Variants in POFUT3 observed in about 807,000 individuals in gnomAD.
POFUT3 encodes GDP-fucose protein O-fucosyltransferase 3.
At chr8:33,460,160 G>A in the POFUT3 span, among the ~76,000 whole-genome samples, 86,427 of 150,908 alleles carry the variant, frequency 0.57, 24,985 homozygotes, top group Non-Finnish European at 0.59. Context: ...CTGCACTCCA[G>A]CCTGGGCAAC....
chr8:33,368,755 C>A, the POFUT3 span, among the ~76,000 whole-genome samples: 2 of 152,196 alleles, frequency 1.3e-5, no homozygotes, highest in Non-Finnish European at 2.9e-5. Flanking sequence ...CCAGCTTATA[C>A]AATCAATCAG....
the POFUT3 span, among the ~76,000 whole-genome samples, chr8:33,458,709 G>A: frequency 4.0e-5 from 6 of 151,858 alleles, no homozygotes; most frequent in South Asian, 6.2e-4. Context: ...GCAAGACTCC[G>A]TCTCAAAAAA....
the POFUT3 span, chr8:33,389,356 C>G: frequency 6.2e-7 from 1 of 1,614,152 alleles, no homozygotes; most frequent in Non-Finnish European, 8.5e-7. Context: ...TAAACTTATA[C>G]TGTGCAATGA....
chr8:33,418,097 C>T, the POFUT3 span, among the ~76,000 whole-genome samples: 1 of 152,080 alleles, frequency 6.6e-6, no homozygotes, highest in Non-Finnish European at 1.5e-5. Context: ...CATTTTGAGC[C>T]CCCAGCCCCC....
chr8:33,397,756 G>T, the POFUT3 span, among the ~76,000 whole-genome samples: 1 of 152,138 alleles, frequency 6.6e-6, no homozygotes, highest in Non-Finnish European at 1.5e-5. Context: ...AAACTGGATT[G>T]ACTGATTGAT....
chr8:33,374,045 A>G, the POFUT3 span, among the ~76,000 whole-genome samples: 1 of 152,316 alleles, frequency 6.6e-6, no homozygotes, highest in Non-Finnish European at 1.5e-5. Flanking sequence ...CGGGCTGCAG[A>G]GCAGGAGGTG....
the POFUT3 span, among the ~76,000 whole-genome samples, chr8:33,465,486 A>T: frequency 2.0e-5 from 3 of 151,952 alleles, no homozygotes; most frequent in African/African-American, 7.3e-5. Context: ...GTTTTCAGAC[A>T]GGGTCTCGCT....
the POFUT3 span, among the ~76,000 whole-genome samples, chr8:33,472,667 T>A: frequency 1.3e-5 from 2 of 152,060 alleles, no homozygotes; most frequent in African/African-American, 4.8e-5. Context: ...AAAGGCAGAT[T>A]AGGTTCTGGA....
the POFUT3 span, among the ~76,000 whole-genome samples, chr8:33,464,254 C>A: frequency 1.3e-5 from 2 of 152,204 alleles, no homozygotes; most frequent in African/African-American, 2.4e-5. Flanking sequence ...TCAACTGGAA[C>A]GTTAAAAGGA....
the POFUT3 span, among the ~76,000 whole-genome samples, chr8:33,411,421 G>GA: frequency 6.6e-6 from 1 of 152,152 alleles, no homozygotes; most frequent in African/African-American, 2.4e-5. Flanking sequence ...ATCTCAAAAG[G>GA]AAAAATACAT....
the POFUT3 span, among the ~76,000 whole-genome samples, chr8:33,406,668 A>C: frequency 1.3e-5 from 2 of 151,876 alleles, no homozygotes; most frequent in Admixed American, 1.3e-4. Flanking sequence ...TCCTGCGCTC[A>C]AACAATCCTG....
At chr8:33,389,091 G>A in the POFUT3 span, 3 of 1,614,148 alleles carry the variant, frequency 1.9e-6, no homozygotes, top group Non-Finnish European at 2.5e-6. Context: ...AGAAGTCGCT[G>A]GTTAGAGATC....
At chr8:33,454,564 C>T in the POFUT3 span, among the ~76,000 whole-genome samples, 2 of 152,134 alleles carry the variant, frequency 1.3e-5, no homozygotes, top group Admixed American at 1.3e-4. Context: ...TGGACACAGC[C>T]TCCAAATATC....
At chr8:33,460,451 T>A in the POFUT3 span, among the ~76,000 whole-genome samples, 1 of 152,224 alleles carries the variant, frequency 6.6e-6, no homozygotes, top group Non-Finnish European at 1.5e-5. Flanking sequence ...ACGTTTCAGT[T>A]CATTCATCCA....
chr8:33,359,031 G>A, the POFUT3 span, among the ~76,000 whole-genome samples: 1 of 152,136 alleles, frequency 6.6e-6, no homozygotes, highest in African/African-American at 2.4e-5. Flanking sequence ...AAGCCACCCA[G>A]TATATGACAT....
At chr8:33,376,056 C>T in the POFUT3 span, among the ~76,000 whole-genome samples, 1 of 150,324 alleles carries the variant, frequency 6.7e-6, no homozygotes, top group East Asian at 1.9e-4. Context: ...GAAACAGAAA[C>T]ATTGGGTAAA....
chr8:33,408,470 C>G, the POFUT3 span, among the ~76,000 whole-genome samples: 1 of 152,066 alleles, frequency 6.6e-6, no homozygotes, highest in Non-Finnish European at 1.5e-5. Context: ...CTAGGCAACT[C>G]AGGACAGTTA....
the POFUT3 span, chr8:33,389,310 T>A: frequency 6.2e-7 from 1 of 1,614,174 alleles, no homozygotes; most frequent in Non-Finnish European, 8.5e-7. Flanking sequence ...TTCTCAGTGA[T>A]GTAGTCATCA....
At chr8:33,383,504 G>A in the POFUT3 span, among the ~76,000 whole-genome samples, 146 of 152,242 alleles carry the variant, frequency 9.6e-4, no homozygotes, top group Non-Finnish European at 1.3e-3. Flanking sequence ...GTACTGTCAA[G>A]AACTGGGTAA....
Sources: gnomAD v4.1 joint callset for allele counts (sites outside exome capture counted in the v4.1 genomes callset) on GRCh38, gnomAD v4.1.1 for gene constraint, MANE v1.5 for transcripts, NCBI Gene and HGNC (gene_info 2026-07-23, HGNC 2026-07-21) for gene names.